The following BTRC variants were observed in gnomAD, a reference collection of about 807,000 sequenced individuals.
The protein encoded by BTRC is beta-transducin repeat containing E3 ubiquitin protein ligase, also known as F-box/WD repeat-containing protein 1A.
Under a neutral mutation model 85.5 loss-of-function variants are expected in BTRC, and 42 were observed. The ratio of observed to expected loss-of-function variants is 0.49; its 90% CI spans 0.38 to 0.64. The LOEUF (loss-of-function observed/expected upper bound fraction) is 0.64, where lower values mean the gene tolerates loss of function less well. Among genes scored for constraint, BTRC ranks in the 30% least tolerant of loss-of-function variants. BTRC has a pLI of 0.00. For missense variants in BTRC, 594 were observed against 743.5 expected, an observed-to-expected ratio of 0.80 and a Z score of 2.34; for synonymous variants, 255 against 263.3, an observed-to-expected ratio of 0.97 and a Z score of 0.30.
At chr10:101,480,776 T>C (rs1172959568) in intron 4 of BTRC, among the ~76,000 whole-genome samples, 1 of 152,206 alleles carries the variant, frequency 6.6e-6, no homozygotes, top group African/African-American at 2.4e-5. Context: ...AAATTACAGT[T>C]TAAAAAGGTA....
chr10:101,537,423 G>A (rs768212390), intron 12 of BTRC, among the ~76,000 whole-genome samples: 73 of 152,202 alleles, frequency 4.8e-4, no homozygotes, highest in Non-Finnish European at 9.6e-4. Context: ...AGCTACTTAG[G>A]AGGCTGAGGC....
At chr10:101,362,001 G>A (rs1028547127) in intron 1 of BTRC, among the ~76,000 whole-genome samples, 3 of 152,068 alleles carry the variant, frequency 2.0e-5, no homozygotes, top group East Asian at 1.9e-4. Context: ...TCACTCTGTC[G>A]CCAGACTGGA....
At chr10:101,500,956 G>C (rs1303194706) in intron 4 of BTRC, among the ~76,000 whole-genome samples, 2 of 152,166 alleles carry the variant, frequency 1.3e-5, no homozygotes, top group Admixed American at 1.3e-4. Context: ...CACTTTGGGA[G>C]GCCAAGGCAG....
At chr10:101,406,281 A>G (rs1943618183) in intron 1 of BTRC, among the ~76,000 whole-genome samples, 3 of 148,154 alleles carry the variant, frequency 2.0e-5, no homozygotes, top group Admixed American at 6.8e-5. Flanking sequence ...GGTTCATGCC[A>G]TTCTCCTGCC....
chr10:101,497,857 G>C (rs529278223), intron 4 of BTRC, among the ~76,000 whole-genome samples: 1 of 150,994 alleles, frequency 6.6e-6, no homozygotes, highest in Non-Finnish European at 1.5e-5. Flanking sequence ...CCATCTCTAC[G>C]AAAAACACAA....
intron 3 of BTRC, among the ~76,000 whole-genome samples, chr10:101,465,167 C>T (rs966500897): frequency 7.2e-5 from 11 of 152,084 alleles, no homozygotes; most frequent in Admixed American, 6.5e-4. Context: ...TCAAGGCCGC[C>T]TTATACCTAG....
intron 5 of BTRC, 26 bp downstream of exon 5, chr10:101,521,896 A>G: frequency 3.9e-6 from 6 of 1,539,334 alleles, no homozygotes; most frequent in Non-Finnish European, 5.4e-6. Context: ...TTTGTAAACC[A>G]TTAATTTGCT....
intron 13 of BTRC, among the ~76,000 whole-genome samples, chr10:101,543,062 G>C (rs916759732): frequency 2.6e-5 from 4 of 152,168 alleles, no homozygotes; most frequent in Admixed American, 1.3e-4. Context: ...ATTTTCAGTA[G>C]AGACAGGATT....
At chr10:101,456,428 ACT>A (rs1176306129) in intron 2 of BTRC, among the ~76,000 whole-genome samples, 2 of 152,136 alleles carry the variant, frequency 1.3e-5, no homozygotes, top group South Asian at 2.1e-4. Flanking sequence ...GTAAAAACTG[ACT>A]CTGAGGATTT....
chr10:101,395,216 G>A lies in BTRC; in HGVS notation c.49-35129G>A, dbSNP rs551772340. Among the ~76,000 whole-genome samples, 4 of 152,244 alleles carry A rather than the reference G, an allele frequency of 2.6e-5. No homozygotes were observed. In the South Asian group the frequency reaches 6.2e-4, roughly 24 times the overall value. ...CAAACTCTAAGGAAAGAAGAAGGTA[G>A]GGTTGGAGAGAGATGGGGTTTTGTA... On this transcript the variant is annotated intron_variant, in intron 1 of 14. Transcript: ENST00000370187.
intron 13 of BTRC, among the ~76,000 whole-genome samples, chr10:101,547,675 T>G (rs2062580650): frequency 1.3e-5 from 2 of 152,194 alleles, no homozygotes; most frequent in Admixed American, 1.3e-4. Flanking sequence ...GTTTAGCAAT[T>G]TCATGATTTC....
chr10:101,433,265 T>C lies in BTRC; in HGVS notation c.156+2813T>C, dbSNP rs148762670. On this transcript the variant is annotated intron_variant, in intron 2 of 14. Coordinates refer to ENST00000370187, the MANE Select transcript of BTRC (RefSeq NM_033637.4). ...CATACATATATAGATGTTTATTATA[T>C]TTCTATTTTGTGAAATGATTGAGAG... Among the ~76,000 whole-genome samples, 3 of 152,308 alleles carry C rather than the reference T, an allele frequency of 2.0e-5. No individual in the cohort carries two copies. The East Asian group carries it at 5.8e-4, about 29-fold the overall frequency.
At chr10:101,550,548 C>T in intron 13 of BTRC, 151 bp from the exon 14 acceptor site, 1 of 683,026 alleles carries the variant, frequency 1.5e-6, no homozygotes. Context: ...TCCCAAAGTG[C>T]TGGGATTACA....
At chr10:101,497,850 T>G (rs1034233921) in intron 4 of BTRC, among the ~76,000 whole-genome samples, 15 of 151,296 alleles carry the variant, frequency 9.9e-5, no homozygotes, top group African/African-American at 3.6e-4. Context: ...TGAAACCCCA[T>G]CTCTACGAAA....
intron 1 of BTRC, among the ~76,000 whole-genome samples, chr10:101,420,783 C>T (rs569246861): frequency 6.6e-6 from 1 of 152,062 alleles, no homozygotes; most frequent in East Asian, 1.9e-4. Context: ...AGCTTGATGC[C>T]TCCTTTGCCT....
At chr10:101,442,619 ATTTCCT>A (rs1354278925) in intron 2 of BTRC, among the ~76,000 whole-genome samples, 1 of 152,170 alleles carries the variant, frequency 6.6e-6, no homozygotes, top group African/African-American at 2.4e-5. Context: ...TGAATTAAAA[ATTTCCT>A]TTAACTGGTG....
intron 2 of BTRC, among the ~76,000 whole-genome samples, chr10:101,435,629 CTAT>C (rs1195934363): frequency 2.0e-5 from 3 of 151,986 alleles, no homozygotes; most frequent in South Asian, 2.1e-4. Flanking sequence ...CAATTTTGGC[CTAT>C]TATTAATAAA....
At chr10:101,501,966 CTA>C (rs1199619789) in intron 4 of BTRC, among the ~76,000 whole-genome samples, 1 of 152,138 alleles carries the variant, frequency 6.6e-6, no homozygotes, top group East Asian at 1.9e-4. Context: ...CCTCAAAATT[CTA>C]TGTCTTTTCT....
At chr10:101,547,441 A>G (rs2062577197) in intron 13 of BTRC, among the ~76,000 whole-genome samples, 2 of 144,940 alleles carry the variant, frequency 1.4e-5, no homozygotes, top group South Asian at 4.4e-4. Context: ...CCTGGGTGCA[A>G]GCTATTCTCC....
Sources: gnomAD v4.1 joint callset for allele counts (sites outside exome capture counted in the v4.1 genomes callset) on GRCh38, gnomAD v4.1.1 for gene constraint, MANE v1.5 for transcripts, NCBI Gene and HGNC (gene_info 2026-07-23, HGNC 2026-07-21) for gene names.